The following CXCL13 variants were observed in gnomAD, a reference collection of about 807,000 sequenced individuals.
CXCL13 encodes C-X-C motif chemokine ligand 13.
Under a neutral mutation model 12.2 loss-of-function variants are expected in CXCL13, and 7 were observed. The ratio of observed to expected loss-of-function variants is 0.57; its 90% confidence interval spans 0.33 to 1.07. The LOEUF (loss-of-function observed/expected upper bound fraction) is 1.07, where lower values mean the gene tolerates loss of function less well. CXCL13 is among the 50% of genes least tolerant of loss of function. The pLI is 0.04. For synonymous variants in CXCL13, 47 were observed against 42.4 expected (o/e 1.11, Z -0.42); for missense variants, 113 against 127.4 (o/e 0.89, Z 0.55).
chr4:77,517,051 C>T (rs2110078100), intron 1 of CXCL13, among the ~76,000 whole-genome samples: 1 of 152,214 alleles, frequency 6.6e-6, no homozygotes, highest in East Asian at 1.9e-4. Flanking sequence ...TTTCTGCCTT[C>T]ATTTTGTTAT....
upstream of CXCL13, among the ~76,000 whole-genome samples, chr4:77,603,448 G>C (rs1244899840): frequency 6.6e-6 from 1 of 152,178 alleles, no homozygotes; most frequent in African/African-American, 2.4e-5. Flanking sequence ...ACAATGTTCA[G>C]ATGTATGCAT....
At chr4:77,544,312 G>A (rs1302658977) in intron 1 of CXCL13, among the ~76,000 whole-genome samples, 1 of 152,110 alleles carries the variant, frequency 6.6e-6, no homozygotes, top group Admixed American at 6.5e-5. Context: ...GATTCTTGAG[G>A]AATCACCACA....
chr4:77,606,855 G>C (rs1727013253), intron 1 of CXCL13, among the ~76,000 whole-genome samples: 1 of 152,206 alleles, frequency 6.6e-6, no homozygotes, highest in South Asian at 2.1e-4. Context: ...AGGCTGGATA[G>C]AAAAGATCTG....
intron 1 of CXCL13, among the ~76,000 whole-genome samples, chr4:77,569,716 A>G (rs1726021322): frequency 6.6e-6 from 1 of 152,250 alleles, no homozygotes; most frequent in African/African-American, 2.4e-5. Flanking sequence ...CAATTGATAG[A>G]TTCAATGCTA....
intron 1 of CXCL13, among the ~76,000 whole-genome samples, chr4:77,572,864 G>C (rs1245901966): frequency 2.0e-5 from 3 of 151,772 alleles, no homozygotes; most frequent in Non-Finnish European, 4.4e-5. Flanking sequence ...ATTGGATAAA[G>C]AAAATGTGGT....
upstream of CXCL13, among the ~76,000 whole-genome samples, chr4:77,605,641 A>G (rs149037408): frequency 3.5e-4 from 54 of 152,304 alleles, no homozygotes; most frequent in South Asian, 2.7e-3. Context: ...TGCAAGAAAT[A>G]TTTTATTATA....
chr4:77,596,881 C>G (rs1726778635), intron 1 of CXCL13, among the ~76,000 whole-genome samples: 1 of 151,956 alleles, frequency 6.6e-6, no homozygotes, highest in South Asian at 2.1e-4. Flanking sequence ...CAGCATTACT[C>G]ACGATAGCCA....
At chr4:77,591,775 G>T (rs907027684) in intron 1 of CXCL13, among the ~76,000 whole-genome samples, 5 of 152,112 alleles carry the variant, frequency 3.3e-5, no homozygotes, top group African/African-American at 1.2e-4. Flanking sequence ...TCATATCCAC[G>T]CCATTCACCA....
intron 1 of CXCL13, among the ~76,000 whole-genome samples, chr4:77,550,982 T>A (rs1017485410): frequency 6.6e-6 from 1 of 152,218 alleles, no homozygotes; most frequent in African/African-American, 2.4e-5. Context: ...ACATAACAAA[T>A]CTTTCTCTGA....
chr4:77,571,572 T>C (rs548641655), intron 1 of CXCL13, among the ~76,000 whole-genome samples: 8 of 152,004 alleles, frequency 5.3e-5, no homozygotes, highest in Non-Finnish European at 7.3e-5. Context: ...ACTGTGTATC[T>C]AACTAATCTG....
At chr4:77,581,556 A>C (rs1448594932) in intron 1 of CXCL13, among the ~76,000 whole-genome samples, 2 of 152,202 alleles carry the variant, frequency 1.3e-5, no homozygotes, top group African/African-American at 4.8e-5. Flanking sequence ...ACCTCTTGCT[A>C]AGATTTGACT....
chr4:77,545,303 T>C (rs1465008438), intron 1 of CXCL13, among the ~76,000 whole-genome samples: 1 of 152,202 alleles, frequency 6.6e-6, no homozygotes, highest in Non-Finnish European at 1.5e-5. Flanking sequence ...GGTAGCTTGA[T>C]GGGGATGGCA....
intron 1 of CXCL13, among the ~76,000 whole-genome samples, chr4:77,532,652 G>A (rs1724957482): frequency 6.6e-6 from 1 of 152,176 alleles, no homozygotes; most frequent in Non-Finnish European, 1.5e-5. Context: ...TTCCAACTTG[G>A]TTCCATTCTC....
chr4:77,597,600 A>G (rs1726793423), intron 1 of CXCL13, among the ~76,000 whole-genome samples: 1 of 152,188 alleles, frequency 6.6e-6, no homozygotes, highest in South Asian at 2.1e-4. Context: ...CCAGACCCCA[A>G]TTCCTTAGAA....
chr4:77,581,373 G>A (rs1165880102), intron 1 of CXCL13, among the ~76,000 whole-genome samples: 7 of 152,126 alleles, frequency 4.6e-5, no homozygotes, highest in East Asian at 1.9e-4. Flanking sequence ...TTGGATTAAC[G>A]TTGTTTAAAA....
intron 1 of CXCL13, among the ~76,000 whole-genome samples, chr4:77,555,923 A>T (rs900131942): frequency 3.9e-5 from 6 of 152,208 alleles, no homozygotes; most frequent in African/African-American, 1.4e-4. Context: ...ACATACCCAT[A>T]GAATGGCTAA....
intron 1 of CXCL13, among the ~76,000 whole-genome samples, chr4:77,564,482 G>T (rs1725879631): frequency 6.6e-6 from 1 of 152,338 alleles, no homozygotes; most frequent in East Asian, 1.9e-4. Context: ...CAAACAAACA[G>T]ATTCTGTTCC....
intron 1 of CXCL13, among the ~76,000 whole-genome samples, chr4:77,515,073 C>T (rs1724381102): frequency 2.6e-5 from 4 of 152,096 alleles, no homozygotes; most frequent in Admixed American, 1.3e-4. Flanking sequence ...AATCCTTTCC[C>T]CATTGCTTGT....
At chr4:77,606,294 G>C (rs1014250060) in intron 1 of CXCL13, among the ~76,000 whole-genome samples, 4 of 152,116 alleles carry the variant, frequency 2.6e-5, no homozygotes, top group African/African-American at 9.7e-5. Flanking sequence ...AGGGTTTAAA[G>C]ATTATTGAAC....
Sources: allele counts gnomAD v4.1 joint callset (sites outside exome capture counted in the v4.1 genomes callset), GRCh38; gene constraint gnomAD v4.1.1; transcripts MANE v1.5; gene names NCBI Gene and HGNC (gene_info 2026-07-23, HGNC 2026-07-21).